Variants in MEIS2 observed in about 807,000 individuals in gnomAD.
MEIS2 encodes homeobox protein Meis2.
A neutral mutation model predicts 58.6 loss-of-function variants in MEIS2; 9 were observed. The observed-to-expected ratio is 0.15, with a 90% CI of 0.09 to 0.27. The LOEUF is 0.27. Among genes scored for constraint, MEIS2 ranks in the 10% least tolerant of loss-of-function variants. The probability of loss-of-function intolerance (pLI) is 1.00; values close to 1 mark genes in which losing one functional copy is unlikely to be tolerated. For missense variants in MEIS2, 427 were observed against 635.0 expected, an observed-to-expected ratio of 0.67 and a Z score of 3.52; for synonymous variants, 221 against 228.4, an observed-to-expected ratio of 0.97 and a Z score of 0.29.
intron 9 of MEIS2, among the ~76,000 whole-genome samples, chr15:36,936,832 T>C (rs1232406986): frequency 1.3e-5 from 2 of 152,234 alleles, no homozygotes; most frequent in Non-Finnish European, 2.9e-5. Context: ...GATGATTCAT[T>C]CATTGCATTC....
intron 9 of MEIS2, among the ~76,000 whole-genome samples, chr15:36,943,848 C>T (rs1418613783): frequency 6.6e-6 from 1 of 152,014 alleles, no homozygotes. Context: ...CCCTCGCTGG[C>T]ATTCCCTTCC....
chr15:36,962,801 G>C (rs1179083071), intron 8 of MEIS2, among the ~76,000 whole-genome samples: 1 of 152,164 alleles, frequency 6.6e-6, no homozygotes, highest in African/African-American at 2.4e-5. Flanking sequence ...CATTCTCTAA[G>C]TTAGCAAAAC....
chr15:37,065,412 T>C (rs1413487083), intron 7 of MEIS2, among the ~76,000 whole-genome samples: 1 of 152,134 alleles, frequency 6.6e-6, no homozygotes, highest in Non-Finnish European at 1.5e-5. Context: ...TATTTTGTAG[T>C]GGGGCAAAAA....
chr15:36,942,427 G>A (rs571124277), intron 9 of MEIS2, among the ~76,000 whole-genome samples: 9 of 152,196 alleles, frequency 5.9e-5, no homozygotes, highest in Admixed American at 1.3e-4. Flanking sequence ...CGAATTGGGC[G>A]GAATTCCTGG....
chr15:37,007,158 G>T (rs1389754670), intron 8 of MEIS2, among the ~76,000 whole-genome samples: 1 of 152,146 alleles, frequency 6.6e-6, no homozygotes, highest in Non-Finnish European at 1.5e-5. Context: ...AGGGCAATCC[G>T]ATTTCCTTGC....
At chr15:36,985,040 A>G (rs746268635) in intron 8 of MEIS2, among the ~76,000 whole-genome samples, 1 of 151,784 alleles carries the variant, frequency 6.6e-6, no homozygotes, top group Non-Finnish European at 1.5e-5. Context: ...GTTTAATTGA[A>G]CTTTTCTATT....
intron 8 of MEIS2, among the ~76,000 whole-genome samples, chr15:37,020,749 T>TG (rs1167267070): frequency 1.3e-5 from 2 of 151,364 alleles, no homozygotes; most frequent in African/African-American, 4.9e-5. Context: ...GGCTGTGTTA[T>TG]GGGGGAAAAA....
At chr15:36,900,267 A>G (rs1280789563) in intron 9 of MEIS2, among the ~76,000 whole-genome samples, 2 of 152,174 alleles carry the variant, frequency 1.3e-5, no homozygotes, top group Non-Finnish European at 2.9e-5. Flanking sequence ...TTAGAAAAAA[A>G]ATTTTCATTA....
At chr15:36,948,066 C>A (rs1282847372) in intron 9 of MEIS2, among the ~76,000 whole-genome samples, 2 of 151,816 alleles carry the variant, frequency 1.3e-5, no homozygotes, top group Non-Finnish European at 2.9e-5. Context: ...ATCAAAGTTA[C>A]GGTAGCCGTT....
At chr15:36,975,845 T>C (rs1270151012) in intron 8 of MEIS2, among the ~76,000 whole-genome samples, 1 of 152,110 alleles carries the variant, frequency 6.6e-6, no homozygotes, top group Admixed American at 6.5e-5. Context: ...TACTTGAAAA[T>C]TGCTGAGAGC....
intron 7 of MEIS2, among the ~76,000 whole-genome samples, chr15:37,043,975 T>A (rs553217367): frequency 6.6e-6 from 1 of 152,182 alleles, no homozygotes; most frequent in African/African-American, 2.4e-5. Context: ...CGTGAGCCAC[T>A]GTGCCTGGCC....
At chr15:36,993,639 G>A (rs2060375184) in intron 8 of MEIS2, among the ~76,000 whole-genome samples, 1 of 152,162 alleles carries the variant, frequency 6.6e-6, no homozygotes, top group Non-Finnish European at 1.5e-5. Flanking sequence ...TAAAGGCTGT[G>A]TGTATGTGCT....
chr15:36,961,381 C>T (rs2059174277), intron 8 of MEIS2, among the ~76,000 whole-genome samples: 2 of 152,022 alleles, frequency 1.3e-5, no homozygotes, highest in African/African-American at 4.8e-5. Flanking sequence ...ATCTGGATAT[C>T]TACGGACTAA....
chr15:37,046,836 AAT>A (rs3047040), intron 7 of MEIS2, among the ~76,000 whole-genome samples: 73,173 of 148,502 alleles, frequency 0.49, 18,719 homozygotes, highest in Admixed American at 0.61. Context: ...TCGTTTAAAA[AAT>A]ATATATATAT....
intron 8 of MEIS2, among the ~76,000 whole-genome samples, chr15:36,970,266 T>C (rs1190683487): frequency 2.0e-5 from 3 of 151,686 alleles, no homozygotes; most frequent in East Asian, 1.9e-4. Context: ...TAGCCAGGCG[T>C]GGTGGCGGGC....
At chr15:36,948,122 G>C (rs2058636483) in intron 9 of MEIS2, among the ~76,000 whole-genome samples, 1 of 151,878 alleles carries the variant, frequency 6.6e-6, no homozygotes. Flanking sequence ...TTTTTCTGAA[G>C]GAAGTGTGAA....
rs2058102790 is a variant in MEIS2, at chr15:36,934,785, T to C, written c.977+15539A>G. ...GCCAGCTAAATCACTGGCAATTTTA[T>C]GCTACCAGTTATTTCAATTTAGATG... is the stretch of plus-strand genomic sequence containing the variant. On this transcript the variant is annotated intron_variant, in intron 9 of 11. Transcript: ENST00000561208. 2.0e-5 allele frequency among the ~76,000 whole-genome samples: 3 copies of C among 152,224 alleles called. No individual in the cohort carries two copies. In the South Asian group the frequency reaches 6.2e-4, roughly 31 times the overall value.
intron 1 of MEIS2, chr15:37,099,252 A>C (rs1040527600): frequency 5.6e-6 from 8 of 1,440,218 alleles, no homozygotes; most frequent in Non-Finnish European, 7.3e-6. Flanking sequence ...AGACACGCAC[A>C]CACGCACGCA....
At chr15:36,945,428 A>G (rs932635679) in intron 9 of MEIS2, among the ~76,000 whole-genome samples, 2 of 152,028 alleles carry the variant, frequency 1.3e-5, no homozygotes, top group Non-Finnish European at 2.9e-5. Flanking sequence ...TTTCACACAC[A>G]AATTCTCCTT....
Sources: gnomAD v4.1 joint callset for allele counts (sites outside exome capture counted in the v4.1 genomes callset) on GRCh38, gnomAD v4.1.1 for gene constraint, MANE v1.5 for transcripts, NCBI Gene and HGNC (gene_info 2026-07-23, HGNC 2026-07-21) for gene names.